Variants in ZC3H12B observed in about 807,000 individuals in gnomAD.
ZC3H12B encodes zinc finger CCCH-type containing 12B, also known as probable ribonuclease ZC3H12B.
A neutral mutation model predicts 43.9 loss-of-function variants in ZC3H12B; 7 were observed. The observed-to-expected ratio is 0.16, with a 90% CI of 0.09 to 0.30. The LOEUF (loss-of-function observed/expected upper bound fraction) is 0.30, where lower values mean the gene tolerates loss of function less well. Among genes scored for constraint, ZC3H12B ranks in the 10% least tolerant of loss-of-function variants. The pLI, the probability that ZC3H12B is intolerant of heterozygous loss-of-function variation, is 1.00. For synonymous variants in ZC3H12B, 222 were observed against 241.7 expected (o/e 0.92, Z 0.76); for missense variants, 475 against 670.2 (o/e 0.71, Z 3.22).
the ZC3H12B span, among the ~76,000 whole-genome samples, chrX:65,361,631 G>A: frequency 9.1e-6 from 1 of 110,467 alleles, no homozygotes; most frequent in Admixed American, 9.7e-5. Flanking sequence ...TAAAAACCCA[G>A]CCCAGCTCAT....
chrX:65,457,450 C>A, intron 3 of ZC3H12B, among the ~76,000 whole-genome samples: 1 of 82,133 alleles, frequency 1.2e-5, no homozygotes, highest in Non-Finnish European at 2.2e-5. Flanking sequence ...GTGGGGGGGT[C>A]AGCCCCCCGC....
the ZC3H12B span, among the ~76,000 whole-genome samples, chrX:65,064,994 G>T: frequency 9.1e-6 from 1 of 109,767 alleles, no homozygotes; most frequent in Non-Finnish European, 1.9e-5. Flanking sequence ...CGTCTGCTTG[G>T]TAAATATTTC....
At chrX:65,225,589 G>A in the ZC3H12B span, among the ~76,000 whole-genome samples, 3 of 111,938 alleles carry the variant, frequency 2.7e-5, no homozygotes, top group Non-Finnish European at 5.6e-5. Flanking sequence ...GCTACAGAAG[G>A]AAATTCAAAC....
chrX:65,382,906 G>C (rs1179535087), intron 2 of ZC3H12B, among the ~76,000 whole-genome samples: 80 of 110,683 alleles, frequency 7.2e-4, no homozygotes, highest in Admixed American at 2.1e-3. Context: ...GGGATGTGAA[G>C]GACCTCTTCA....
At chrX:65,037,652 T>C in the ZC3H12B span, among the ~76,000 whole-genome samples, 1 of 111,474 alleles carries the variant, frequency 9.0e-6, no homozygotes, top group Admixed American at 9.5e-5. Context: ...TTTTTTTTAC[T>C]GTCTATTAAG....
At chrX:65,209,554 T>C in the ZC3H12B span, among the ~76,000 whole-genome samples, 1 of 104,975 alleles carries the variant, frequency 9.5e-6, no homozygotes, top group Non-Finnish European at 2.0e-5. Context: ...TAGTTTGCTA[T>C]AATTTCTGTT....
chrX:65,149,344 G>A, the ZC3H12B span, among the ~76,000 whole-genome samples: 2 of 112,135 alleles, frequency 1.8e-5, no homozygotes, highest in Non-Finnish European at 3.8e-5. Flanking sequence ...TTTTCTGTGC[G>A]CAGATTTCTT....
the ZC3H12B span, among the ~76,000 whole-genome samples, chrX:65,157,274 C>G: frequency 8.9e-6 from 1 of 112,394 alleles, no homozygotes; most frequent in African/African-American, 3.2e-5. Context: ...AGCCACCACT[C>G]ATTCTTTTTA....
intron 3 of ZC3H12B, among the ~76,000 whole-genome samples, chrX:65,404,183 G>C (rs1224739344): frequency 3.6e-5 from 4 of 111,454 alleles, no homozygotes; most frequent in Non-Finnish European, 7.5e-5. Flanking sequence ...CGGGTTATAA[G>C]ATAGCAGGTG....
chrX:65,102,561 C>A, the ZC3H12B span, among the ~76,000 whole-genome samples: 3 of 111,735 alleles, frequency 2.7e-5, no homozygotes, highest in Non-Finnish European at 5.6e-5. Context: ...AATCAATGTG[C>A]AAAAATTACA....
rs1438148935 is a variant in ZC3H12B, at chrX:65,503,292, ATT to A, written c.*85_*86del. 1.7e-5 allele frequency: 15 copies of A among 857,356 alleles called. No individual in the cohort carries two copies. In the East Asian group the frequency reaches 4.5e-4, roughly 26 times the overall value. The allele number at this position is 857,356 out of a possible 1,213,427, so 70.7% of individuals were successfully genotyped here. ...AATACAATAATTATAGTAACTAATAATTTGTGTTGCGCTTTACAAGTTAGAGT... is the reference window on the plus strand; with the variant it reads ...AATACAATAATTATAGTAACTAATAATGTGTTGCGCTTTACAAGTTAGAGT... On this transcript the variant is annotated 3_prime_UTR_variant, in exon 5 of 5. Transcript: ENST00000338957.
intron 2 of ZC3H12B, among the ~76,000 whole-genome samples, chrX:65,377,786 G>A (rs1239607656): frequency 1.8e-5 from 2 of 111,609 alleles, no homozygotes; most frequent in Non-Finnish European, 3.8e-5. Flanking sequence ...CAGAAAGAAA[G>A]TACGTTAGTG....
At chrX:65,297,501 CACAA>C in the ZC3H12B span, among the ~76,000 whole-genome samples, 5 of 111,601 alleles carry the variant, frequency 4.5e-5, no homozygotes, top group Middle Eastern at 4.6e-3. Context: ...TTATATATGA[CACAA>C]ACAAATAGAA....
the ZC3H12B span, among the ~76,000 whole-genome samples, chrX:65,222,760 A>G: frequency 9.0e-6 from 1 of 110,600 alleles, no homozygotes; most frequent in Non-Finnish European, 1.9e-5. Context: ...GAAACATCCC[A>G]TGCTCATGGA....
At chrX:65,458,122 A>G (rs982878815) in intron 3 of ZC3H12B, among the ~76,000 whole-genome samples, 4 of 102,090 alleles carry the variant, frequency 3.9e-5, no homozygotes, top group African/African-American at 1.1e-4. Flanking sequence ...AGGCCATTAC[A>G]TAATGGTAAA....
the ZC3H12B span, chrX:65,271,309 A>T: frequency 3.7e-4 from 42 of 112,740 alleles, no homozygotes; most frequent in Admixed American, 1.8e-3. Flanking sequence ...TTAAAATTAT[A>T]ACTGACATGT....
the ZC3H12B span, among the ~76,000 whole-genome samples, chrX:65,097,531 G>A: frequency 9.0e-6 from 1 of 111,470 alleles, no homozygotes; most frequent in African/African-American, 3.3e-5. Flanking sequence ...AGTCCTATCA[G>A]CCATTTTATG....
intron 3 of ZC3H12B, among the ~76,000 whole-genome samples, chrX:65,476,988 A>ATC (rs2068000712): frequency 2.2e-5 from 2 of 90,738 alleles, no homozygotes; most frequent in African/African-American, 9.0e-5. Flanking sequence ...CTCCTGACTA[A>ATC]TTTTTTTTTT....
the ZC3H12B span, among the ~76,000 whole-genome samples, chrX:65,303,661 G>C: frequency 8.9e-6 from 1 of 112,185 alleles, no homozygotes; most frequent in Non-Finnish European, 1.9e-5. Context: ...ATTTAACATT[G>C]TACTGTAACT....
Sources: allele counts gnomAD v4.1 joint callset (sites outside exome capture counted in the v4.1 genomes callset), GRCh38; gene constraint gnomAD v4.1.1; transcripts MANE v1.5; gene names NCBI Gene and HGNC (gene_info 2026-07-23, HGNC 2026-07-21).